PDE4D: variants seen among roughly 807,000 people sequenced by gnomAD.
PDE4D encodes the protein phosphodiesterase 4D, also known as 3',5'-cyclic-AMP phosphodiesterase 4D.
In PDE4D, 24 loss-of-function variants were observed where a neutral mutation model predicts 87.4. The observed-to-expected ratio is 0.27, with a 90% CI of 0.20 to 0.39. PDE4D has a LOEUF of 0.39. Ranked by LOEUF, PDE4D falls within the 10% of genes least tolerant of loss-of-function variation. The probability of loss-of-function intolerance (pLI) is 1.00; values close to 1 mark genes in which losing one functional copy is unlikely to be tolerated. For missense variants in PDE4D, 714 were observed against 1,041.0 expected, an observed-to-expected ratio of 0.69 and a Z score of 4.32; for synonymous variants, 384 against 383.2, an observed-to-expected ratio of 1.00 and a Z score of -0.02.
At chr5:59,515,199 G>A (rs999955203) in intron 1 of PDE4D, among the ~76,000 whole-genome samples, 12 of 152,246 alleles carry the variant, frequency 7.9e-5, no homozygotes, top group African/African-American at 2.7e-4. Flanking sequence ...TCTTGATGGT[G>A]AAATGTGGAA....
At chr5:59,884,440 A>G (rs1415497454) in intron 1 of PDE4D, among the ~76,000 whole-genome samples, 2 of 151,990 alleles carry the variant, frequency 1.3e-5, no homozygotes, top group Admixed American at 1.3e-4. Context: ...TATTCTCTAA[A>G]TTGCTTTTTC....
intron 1 of PDE4D, among the ~76,000 whole-genome samples, chr5:59,887,428 G>A (rs1750328997): frequency 6.6e-6 from 1 of 152,136 alleles, no homozygotes; most frequent in Non-Finnish European, 1.5e-5. Flanking sequence ...ATATAATACA[G>A]TGCTATTTGG....
At position 60,139,064 on chromosome 5, in the gene PDE4D, C is replaced by T. The variant is rs555414908; in HGVS notation, c.42+46493G>A. On this transcript the variant is annotated intron_variant, in intron 2 of 16. Coordinates refer to the PDE4D transcript ENST00000502484. ...CACTCCAGTACTCACAGTGAGATCT[C>T]GGAAGCTAGGATGGTTCTAAGATCC... Among the ~76,000 whole-genome samples, 4 of 151,776 alleles carry T rather than the reference C, an allele frequency of 2.6e-5. No individual in the cohort carries two copies. The East Asian group carries it at 7.7e-4, about 29-fold the overall frequency.
At chr5:59,235,302 T>C (rs1398980146) in intron 1 of PDE4D, among the ~76,000 whole-genome samples, 1 of 152,156 alleles carries the variant, frequency 6.6e-6, no homozygotes, top group Non-Finnish European at 1.5e-5. Flanking sequence ...AAAAGAATTA[T>C]TCCCAAAGGC....
chr5:60,388,944 CT>C (rs1762387399), intron 1 of PDE4D, among the ~76,000 whole-genome samples: 1 of 152,132 alleles, frequency 6.6e-6, no homozygotes, highest in African/African-American at 2.4e-5. Flanking sequence ...CAAGTTATGG[CT>C]TTTCTAAGCA....
chr5:59,164,476 T>A (rs1781598487), intron 5 of PDE4D, among the ~76,000 whole-genome samples: 1 of 152,174 alleles, frequency 6.6e-6, no homozygotes, highest in Admixed American at 6.5e-5. Context: ...TCTTACTTAA[T>A]GCTCTGAGAT....
intron 1 of PDE4D, among the ~76,000 whole-genome samples, chr5:59,333,971 CTTGT>C (rs1777189966): frequency 6.6e-6 from 1 of 151,820 alleles, no homozygotes; most frequent in Non-Finnish European, 1.5e-5. Flanking sequence ...ACCTGCAGGT[CTTGT>C]TTATGAGGAT....
At chr5:59,163,238 G>A (rs1212929229) in intron 5 of PDE4D, among the ~76,000 whole-genome samples, 13 of 150,720 alleles carry the variant, frequency 8.6e-5, no homozygotes, top group South Asian at 4.2e-4. Flanking sequence ...GTGAGCCACC[G>A]TGCCTGGCCA....
intron 1 of PDE4D, among the ~76,000 whole-genome samples, chr5:59,612,618 A>G (rs77491946): frequency 6.6e-6 from 1 of 152,346 alleles, no homozygotes; most frequent in South Asian, 2.1e-4. Flanking sequence ...ATATGATAAC[A>G]GTTTGCAGGG....
At chr5:59,409,224 T>G (rs568509038) in intron 1 of PDE4D, among the ~76,000 whole-genome samples, 13 of 152,228 alleles carry the variant, frequency 8.5e-5, no homozygotes, top group African/African-American at 3.1e-4. Flanking sequence ...AGTAAATAAC[T>G]TGTTTTAATT....
At position 60,395,813 on chromosome 5, in the gene PDE4D, T is replaced by C. The variant is rs79570029; in HGVS notation, c.-90+92129A>G. ...CCCTTCAGAACTCCTCCCTCCCCGC[T>C]CTGCATCTCTCTACCTTGCTTAGGT... On this transcript the variant is annotated intron_variant, in intron 1 of 16. Transcript: ENST00000502484. 5.6e-3 allele frequency among the ~76,000 whole-genome samples: 845 copies of C among 150,164 alleles called. 12 individuals are homozygous for C. The highest frequency in any genetic ancestry group is 0.02 in the African/African-American group (820 of 40,966).
At chr5:60,287,436 C>T (rs1702488966) in intron 1 of PDE4D, among the ~76,000 whole-genome samples, 1 of 152,200 alleles carries the variant, frequency 6.6e-6, no homozygotes, top group African/African-American at 2.4e-5. Flanking sequence ...CGTGTTTCCT[C>T]TACTGCGGGA....
rs114075776 is a variant in PDE4D at position 59,649,236 on chromosome 5, T to C, written c.455+243932A>G. 5.1e-3 allele frequency among the ~76,000 whole-genome samples: 772 copies of C among 152,278 alleles called. 2 individuals are homozygous for C. The highest frequency in any genetic ancestry group is 9.2e-3 in the Non-Finnish European group (625 of 68,014). The stretch of plus-strand genomic sequence containing the variant: ...CAAGATTTTACTGCCTTGGTGAATT[T>C]TGAACCACAGCCAAATTACTTTCTT... On this transcript the variant is annotated intron_variant, in intron 1 of 14. Coordinates refer to ENST00000340635, the MANE Select transcript of PDE4D (RefSeq NM_001104631.2).
At chr5:59,678,190 A>C (rs1748431525) in intron 1 of PDE4D, among the ~76,000 whole-genome samples, 1 of 152,152 alleles carries the variant, frequency 6.6e-6, no homozygotes, top group African/African-American at 2.4e-5. Flanking sequence ...GTTAAATCAA[A>C]TTCTTGCTAG....
At chr5:59,811,929 T>A (rs553926732) in intron 1 of PDE4D, among the ~76,000 whole-genome samples, 1 of 152,336 alleles carries the variant, frequency 6.6e-6, no homozygotes, top group South Asian at 2.1e-4. Context: ...ACCAGTTGAC[T>A]GTGAAGAATT....
At chr5:60,346,646 G>A (rs1758769651) in intron 1 of PDE4D, among the ~76,000 whole-genome samples, 2 of 152,028 alleles carry the variant, frequency 1.3e-5, no homozygotes, top group African/African-American at 4.8e-5. Flanking sequence ...TGCATCCCCT[G>A]GCCTCAGCTC....
intron 1 of PDE4D, among the ~76,000 whole-genome samples, chr5:60,411,394 G>A (rs938628976): frequency 6.6e-6 from 1 of 152,166 alleles, no homozygotes; most frequent in African/African-American, 2.4e-5. Flanking sequence ...CCTTTCACGT[G>A]TATTATTACC....
chr5:59,662,659 T>C (rs1414124789), intron 1 of PDE4D, among the ~76,000 whole-genome samples: 1 of 152,206 alleles, frequency 6.6e-6, no homozygotes, highest in Non-Finnish European at 1.5e-5. Context: ...CTCCTTTTAA[T>C]TGCTTCTAAG....
At chr5:59,861,511 T>C (rs1177192035) in intron 1 of PDE4D, among the ~76,000 whole-genome samples, 2 of 152,212 alleles carry the variant, frequency 1.3e-5, no homozygotes, top group South Asian at 2.1e-4. Context: ...AGTAATTACA[T>C]GGAGCAACCA....
Sources: gnomAD v4.1 joint callset for allele counts (sites outside exome capture counted in the v4.1 genomes callset) on GRCh38, gnomAD v4.1.1 for gene constraint, MANE v1.5 for transcripts, NCBI Gene and HGNC (gene_info 2026-07-23, HGNC 2026-07-21) for gene names.